The following FRMPD4 variants were observed in gnomAD, a reference collection of about 807,000 sequenced individuals.
FRMPD4 encodes FERM and PDZ domain-containing protein 4.
In FRMPD4, 22 loss-of-function variants were observed where a neutral mutation model predicts 94.1. That is an observed-to-expected ratio of 0.23 (90% CI 0.17 to 0.33). The LOEUF (loss-of-function observed/expected upper bound fraction) is 0.33. Among genes scored for constraint, FRMPD4 ranks in the 10% least tolerant of loss-of-function variants. The probability of loss-of-function intolerance (pLI) is 1.00; values close to 1 mark genes in which losing one functional copy is unlikely to be tolerated. For missense variants in FRMPD4, 1,111 were observed against 1,339.9 expected, an observed-to-expected ratio of 0.83 and a Z score of 2.67; for synonymous variants, 631 against 548.6, an observed-to-expected ratio of 1.15 and a Z score of -2.10.
intron 1 of FRMPD4, among the ~76,000 whole-genome samples, chrX:11,834,332 T>G (rs1443451640): frequency 8.9e-6 from 1 of 111,980 alleles, no homozygotes; most frequent in Non-Finnish European, 1.9e-5. Context: ...TATTTGTCTG[T>G]CCAGTCCTTC....
chrX:11,833,459 C>T (rs1407313218), intron 1 of FRMPD4, among the ~76,000 whole-genome samples: 3 of 111,856 alleles, frequency 2.7e-5, no homozygotes, highest in Admixed American at 1.9e-4. Context: ...TCATTCCGAC[C>T]AGTAAGGAAT....
intron 3 of FRMPD4, among the ~76,000 whole-genome samples, chrX:12,119,870 A>G (rs1029307137): frequency 8.9e-6 from 1 of 112,793 alleles, no homozygotes; most frequent in Non-Finnish European, 1.9e-5. Context: ...GTGTGATACT[A>G]TAGTCACAGG....
intron 3 of FRMPD4, among the ~76,000 whole-genome samples, chrX:12,028,632 C>T (rs368439569): frequency 6.3e-5 from 7 of 111,157 alleles, no homozygotes; most frequent in Admixed American, 1.9e-4. Context: ...CTGTGTTCTA[C>T]GTATTCATCT....
intron 3 of FRMPD4, among the ~76,000 whole-genome samples, chrX:11,972,075 G>C (rs1420823302): frequency 4.5e-5 from 5 of 112,044 alleles, no homozygotes; most frequent in Non-Finnish European, 9.4e-5. Context: ...TCAAAGTGAT[G>C]TAGGATGCTG....
At chrX:12,568,446 T>C (rs1010498996) in intron 2 of FRMPD4, among the ~76,000 whole-genome samples, 2 of 112,658 alleles carry the variant, frequency 1.8e-5, no homozygotes, top group African/African-American at 3.2e-5. Context: ...GCTTTATTTT[T>C]GCTTTGTTCT....
intron 1 of FRMPD4, among the ~76,000 whole-genome samples, chrX:12,369,024 C>A (rs2056125269): frequency 9.0e-6 from 1 of 110,936 alleles, no homozygotes; most frequent in Non-Finnish European, 1.9e-5. Context: ...CTCTGCCCCG[C>A]CCTTCGTCTT....
chrX:12,054,054 C>T (rs760072819), intron 3 of FRMPD4, among the ~76,000 whole-genome samples: 4 of 111,350 alleles, frequency 3.6e-5, no homozygotes, highest in South Asian at 3.8e-4. Flanking sequence ...ATAGAGAGGG[C>T]GCCTCTCGTA....
intron 1 of FRMPD4, among the ~76,000 whole-genome samples, chrX:12,277,773 ATTTTAC>A (rs1348893343): frequency 8.9e-6 from 1 of 111,996 alleles, no homozygotes; most frequent in African/African-American, 3.3e-5. Context: ...TCATTATGAT[ATTTTAC>A]TTTTACTGTC....
chrX:12,566,298 T>C (rs971765364), intron 2 of FRMPD4, among the ~76,000 whole-genome samples: 1 of 111,724 alleles, frequency 9.0e-6, no homozygotes. Flanking sequence ...GGTTCAAGTT[T>C]GCTTGTCCTA....
At position 12,453,542 on chromosome X, in the gene FRMPD4, G is replaced by GT. The variant is rs1022276991; in HGVS notation, c.42-45131dup. 9.0e-5 allele frequency among the ~76,000 whole-genome samples: 10 copies of GT among 111,404 alleles called. No individual in the cohort carries two copies. The East Asian group carries it at 2.5e-3, about 28-fold the overall frequency. ...GTAAAATGGTGGCAATAAGGTCATC[G>GT]TTTTTTTCATTAGCGTATCATCCCT... On this transcript the variant is annotated intron_variant, in intron 1 of 16. Transcript: ENST00000675598.
intron 1 of FRMPD4, among the ~76,000 whole-genome samples, chrX:12,346,095 A>G (rs1332091312): frequency 1.8e-5 from 2 of 109,077 alleles, no homozygotes; most frequent in Non-Finnish European, 3.8e-5. Context: ...GATTAATGTA[A>G]TTGTCTTAAA....
At chrX:12,166,435 T>C (rs754288145) in intron 1 of FRMPD4, among the ~76,000 whole-genome samples, 5 of 111,516 alleles carry the variant, frequency 4.5e-5, no homozygotes, top group Admixed American at 3.8e-4. Context: ...TTTTGATGTG[T>C]TGCTGGATTC....
chrX:12,481,626 A>G (rs1042862357), intron 1 of FRMPD4, among the ~76,000 whole-genome samples: 2 of 110,175 alleles, frequency 1.8e-5, no homozygotes, highest in Admixed American at 9.8e-5. Context: ...TATTCTTAGA[A>G]TAAGGTAAGC....
intron 1 of FRMPD4, among the ~76,000 whole-genome samples, chrX:12,232,117 G>C (rs1000967831): frequency 4.5e-5 from 5 of 111,577 alleles, no homozygotes; most frequent in South Asian, 3.8e-4. Flanking sequence ...GTAGGAGAGA[G>C]AGAAAAGTGG....
At chrX:12,208,924 A>G (rs1314052288) in intron 1 of FRMPD4, among the ~76,000 whole-genome samples, 1 of 112,157 alleles carries the variant, frequency 8.9e-6, no homozygotes. Context: ...ATTATAAATT[A>G]TTCTGGTAGG....
At chrX:12,083,472 T>A (rs776363295) in intron 3 of FRMPD4, among the ~76,000 whole-genome samples, 48 of 112,963 alleles carry the variant, frequency 4.2e-4, no homozygotes, top group African/African-American at 1.4e-3. Context: ...GAACATCTGC[T>A]AGGGCAGTGT....
chrX:12,401,232 G>C (rs779658959), intron 1 of FRMPD4, among the ~76,000 whole-genome samples: 17 of 110,792 alleles, frequency 1.5e-4, no homozygotes, highest in African/African-American at 5.6e-4. Context: ...ATCTTGATGA[G>C]ACTTAAGAAG....
At chrX:11,842,147 G>C (rs1260923897) in intron 1 of FRMPD4, among the ~76,000 whole-genome samples, 1 of 105,139 alleles carries the variant, frequency 9.5e-6, no homozygotes, top group Admixed American at 1.0e-4. Flanking sequence ...TTTGGTTACT[G>C]TAGCCTTGTA....
chrX:12,333,977 C>A (rs1169197498), intron 1 of FRMPD4, among the ~76,000 whole-genome samples: 1 of 111,700 alleles, frequency 9.0e-6, no homozygotes, highest in East Asian at 2.8e-4. Context: ...ACAGGCTTTT[C>A]TGATGTGTGT....
Sources: allele counts gnomAD v4.1 joint callset (sites outside exome capture counted in the v4.1 genomes callset), GRCh38; gene constraint gnomAD v4.1.1; transcripts MANE v1.5; gene names NCBI Gene and HGNC (gene_info 2026-07-23, HGNC 2026-07-21).